TMC1: variants seen among roughly 807,000 people sequenced by gnomAD.
The protein encoded by TMC1 is transmembrane channel like 1, also known as transmembrane channel-like protein 1.
In TMC1, 84 loss-of-function variants were observed where a neutral mutation model predicts 105.8. The ratio of observed to expected loss-of-function variants is 0.79; its 90% confidence interval spans 0.67 to 0.95. The LOEUF is 0.95. TMC1 is among the 40% of genes least tolerant of loss of function. The pLI is 0.00. For missense variants in TMC1, 817 were observed against 914.1 expected (o/e 0.89, Z 1.37); for synonymous variants, 315 against 311.5 (o/e 1.01, Z -0.12).
At chr9:72,753,210 A>G (rs528066802) in intron 11 of TMC1, among the ~76,000 whole-genome samples, 3 of 145,580 alleles carry the variant, frequency 2.1e-5, no homozygotes, top group Admixed American at 1.4e-4. Flanking sequence ...GGTCCTGTGT[A>G]GTTTATTTCC....
chr9:72,542,561 A>C (rs1216853062), intron 1 of TMC1, among the ~76,000 whole-genome samples: 1 of 150,680 alleles, frequency 6.6e-6, no homozygotes, highest in Non-Finnish European at 1.5e-5. Context: ...CAGAGGTTGC[A>C]GTGAGCTGAC....
chr9:72,628,286 G>A (rs1349836088), intron 4 of TMC1: 7 of 271,988 alleles, frequency 2.6e-5, no homozygotes, highest in Non-Finnish European at 5.2e-5. Flanking sequence ...GAGGTAGGGC[G>A]AGAGGGAAAA....
At chr9:72,800,124 CACT>C (rs1186650771) in intron 17 of TMC1, among the ~76,000 whole-genome samples, 1 of 152,076 alleles carries the variant, frequency 6.6e-6, no homozygotes, top group Non-Finnish European at 1.5e-5. Flanking sequence ...TGTTTTAAAC[CACT>C]ACATTTATGG....
At chr9:72,795,505 G>GA (rs537245180) in intron 17 of TMC1, among the ~76,000 whole-genome samples, 5 of 151,804 alleles carry the variant, frequency 3.3e-5, no homozygotes, top group African/African-American at 9.7e-5. Context: ...CATTCTTAAA[G>GA]AAAAAAAATC....
At chr9:72,534,587 A>G in intron 1 of TMC1, among the ~76,000 whole-genome samples, 1 of 152,200 alleles carries the variant, frequency 6.6e-6, no homozygotes, top group Non-Finnish European at 1.5e-5. Context: ...TCTATATATT[A>G]TTTTGGCATG....
intron 20 of TMC1, among the ~76,000 whole-genome samples, chr9:72,824,507 G>A (rs1828922453): frequency 6.6e-6 from 1 of 152,194 alleles, no homozygotes; most frequent in Non-Finnish European, 1.5e-5. Context: ...AGCAGAGAGG[G>A]CAGTTGGAGA....
chr9:72,753,380 A>T (rs990669106), intron 11 of TMC1, among the ~76,000 whole-genome samples: 1 of 145,220 alleles, frequency 6.9e-6, no homozygotes, highest in African/African-American at 2.6e-5. Context: ...TTAGTGTCAG[A>T]TGCAGGTATA....
chr9:72,574,303 G>A (rs1824337860), intron 1 of TMC1, among the ~76,000 whole-genome samples: 1 of 152,192 alleles, frequency 6.6e-6, no homozygotes, highest in Non-Finnish European at 1.5e-5. Flanking sequence ...ACACAAATAG[G>A]GAAGTGTGAT....
intron 5 of TMC1, among the ~76,000 whole-genome samples, chr9:72,655,027 C>G (rs1022153319): frequency 1.3e-5 from 2 of 152,164 alleles, no homozygotes; most frequent in Non-Finnish European, 2.9e-5. Context: ...TCCCCATGAT[C>G]CCCATGTGTC....
chr9:72,721,394 C>T (rs142653568), intron 8 of TMC1, among the ~76,000 whole-genome samples: 27 of 152,252 alleles, frequency 1.8e-4, no homozygotes, highest in Admixed American at 1.4e-3. Flanking sequence ...TGTCACTTCT[C>T]TACAATGTAT....
chr9:72,612,665 G>C (rs751128114), intron 2 of TMC1, among the ~76,000 whole-genome samples: 3 of 152,086 alleles, frequency 2.0e-5, no homozygotes, highest in Non-Finnish European at 4.4e-5. Context: ...CTTTGCTTTT[G>C]GCCCATAGGC....
chr9:72,595,427 G>A (rs1404687442), intron 2 of TMC1, among the ~76,000 whole-genome samples: 1 of 152,126 alleles, frequency 6.6e-6, no homozygotes, highest in African/African-American at 2.4e-5. Context: ...ATCAGTTCAG[G>A]TGCTCTTGAT....
intron 2 of TMC1, among the ~76,000 whole-genome samples, chr9:72,612,455 A>G (rs940575765): frequency 5.9e-5 from 9 of 151,570 alleles, no homozygotes; most frequent in Non-Finnish European, 1.2e-4. Context: ...ATTACAGACA[A>G]GAGCCACCAC....
intron 4 of TMC1, among the ~76,000 whole-genome samples, chr9:72,631,741 G>A (rs1022833347): frequency 2.6e-5 from 4 of 152,092 alleles, no homozygotes; most frequent in African/African-American, 9.7e-5. Flanking sequence ...TCTGCCTATT[G>A]AAAACACCAA....
intron 13 of TMC1, among the ~76,000 whole-genome samples, chr9:72,775,685 T>C (rs865948666): frequency 6.6e-6 from 1 of 152,202 alleles, no homozygotes; most frequent in African/African-American, 2.4e-5. Context: ...TATAAAGGAA[T>C]ACCTGAGGCT....
At chr9:72,530,579 A>T (rs1034753647) in intron 1 of TMC1, among the ~76,000 whole-genome samples, 1 of 123,592 alleles carries the variant, frequency 8.1e-6, no homozygotes, top group East Asian at 2.3e-4. Flanking sequence ...ACAGAGCAAG[A>T]CTCCATCTTA....
chr9:72,602,969 C>T (rs1386923229), intron 2 of TMC1, among the ~76,000 whole-genome samples: 1 of 152,130 alleles, frequency 6.6e-6, no homozygotes, highest in Non-Finnish European at 1.5e-5. Flanking sequence ...GATTACCACC[C>T]ACTATAGATC....
intron 4 of TMC1, among the ~76,000 whole-genome samples, chr9:72,634,017 A>G (rs1004205389): frequency 6.6e-6 from 1 of 152,218 alleles, no homozygotes; most frequent in African/African-American, 2.4e-5. Flanking sequence ...AAGTGGAAGC[A>G]TGGGAGATAA....
intron 17 of TMC1, among the ~76,000 whole-genome samples, chr9:72,795,630 A>C (rs1231966577): frequency 6.6e-6 from 1 of 152,234 alleles, no homozygotes; most frequent in Non-Finnish European, 1.5e-5. Flanking sequence ...CCTGCTTTAC[A>C]AGACATCTTG....
Sources: allele counts gnomAD v4.1 joint callset (sites outside exome capture counted in the v4.1 genomes callset), GRCh38; gene constraint gnomAD v4.1.1; transcripts MANE v1.5; gene names NCBI Gene and HGNC (gene_info 2026-07-23, HGNC 2026-07-21).